Variants in PCDHGA3 observed in about 807,000 individuals in gnomAD.
The protein encoded by PCDHGA3 is protocadherin gamma subfamily A, 3, also known as protocadherin gamma-A3.
In PCDHGA3, 40 loss-of-function variants were observed where a neutral mutation model predicts 58.5. That is an observed-to-expected ratio of 0.68 (90% CI 0.53 to 0.89). PCDHGA3 has a LOEUF of 0.89. Among genes scored for constraint, PCDHGA3 ranks in the 40% least tolerant of loss-of-function variants. The probability of loss-of-function intolerance (pLI) is 0.00; values close to 1 mark genes in which losing one functional copy is unlikely to be tolerated. For missense variants in PCDHGA3, 1,223 were observed against 1,195.9 expected, an observed-to-expected ratio of 1.02 and a Z score of -0.33; for synonymous variants, 530 against 525.7, an observed-to-expected ratio of 1.01 and a Z score of -0.11.
intron 1 of PCDHGA3, among the ~76,000 whole-genome samples, chr5:141,381,770 A>G (rs1309418172): frequency 1.3e-5 from 2 of 151,484 alleles, no homozygotes; most frequent in Non-Finnish European, 2.9e-5. Flanking sequence ...TATATAATCA[A>G]TAATCAGGAA....
At chr5:141,352,507 T>A (rs1428856687) in intron 1 of PCDHGA3, 1 of 1,614,016 alleles carries the variant, frequency 6.2e-7, no homozygotes. Flanking sequence ...ATTCCTACAA[T>A]CTATGTATTG....
intron 1 of PCDHGA3, chr5:141,361,069 G>T (rs747875757): frequency 2.5e-6 from 4 of 1,613,910 alleles, no homozygotes; most frequent in Non-Finnish European, 3.4e-6. Context: ...TTTTGAGATT[G>T]CAAGTAGTTA....
intron 1 of PCDHGA3, among the ~76,000 whole-genome samples, chr5:141,466,994 T>C (rs944607423): frequency 6.6e-6 from 1 of 152,176 alleles, no homozygotes; most frequent in African/African-American, 2.4e-5. Flanking sequence ...CTTTTGGCAT[T>C]TTTTTGCAAT....
chr5:141,432,209 A>C lies in PCDHGA3; in HGVS notation c.2425-62598A>C, dbSNP rs1473794319. ...CGCCCACGACCCCGACTGTGAAGAGAACGCCCAGATCACTTATTCCCTGGC... is the reference window on the plus strand; with the variant it reads ...CGCCCACGACCCCGACTGTGAAGAGCACGCCCAGATCACTTATTCCCTGGC... On this transcript the variant is annotated intron_variant, in intron 1 of 3. Transcript: ENST00000253812. This position sits in a 1 kb window ranked among gnomAD's most constrained non-coding sequence, Gnocchi z 6.0. 2 of 1,614,098 alleles carry C rather than the reference A, an allele frequency of 1.2e-6. No homozygotes were observed. Among genetic ancestry groups the C allele is most frequent in the Non-Finnish European group, 8.5e-7 (1 of 1,180,032 alleles).
In PCDHGA3 at chr5:141,431,253, ACT is replaced by A. The variant is rs757246289; in HGVS notation, c.2425-63549_2425-63548del. On this transcript the variant is annotated intron_variant, in intron 1 of 3. Coordinates refer to ENST00000253812, the MANE Select transcript of PCDHGA3 (RefSeq NM_018916.4). This position sits in a 1 kb window ranked among gnomAD's most constrained non-coding sequence, Gnocchi z 4.8. ...GCCTGGGATCCGGATATCGGGAAGA[ACT>A]CTCTGCAGAGCTACGAGCTCAGCCC... 2.2e-5 allele frequency: 35 copies of A among 1,614,014 alleles called. No individual in the cohort carries two copies. In the South Asian group the frequency reaches 3.1e-4, roughly 14 times the overall value.
Position 141,432,226 on chromosome 5 carries a change from T to C in PCDHGA3, c.2425-62581T>C. On this transcript the variant is annotated intron_variant, in intron 1 of 3. Coordinates refer to ENST00000253812, the MANE Select transcript of PCDHGA3 (RefSeq NM_018916.4). The surrounding 1 kb of genome is among the most constrained non-coding windows in gnomAD (Gnocchi z 6.0). ...GTGAAGAGAACGCCCAGATCACTTATTCCCTGGCTGAGAACACCATCCAAG... is the reference window on the plus strand; with the variant it reads ...GTGAAGAGAACGCCCAGATCACTTACTCCCTGGCTGAGAACACCATCCAAG... 4 of 1,614,198 alleles carry C rather than the reference T, an allele frequency of 2.5e-6. No individual in the cohort carries two copies. The highest frequency in any genetic ancestry group is 3.4e-6 in the Non-Finnish European group (4 of 1,180,028).
chr5:141,393,366 G>A (rs998330932), intron 1 of PCDHGA3: 1 of 1,613,874 alleles, frequency 6.2e-7, no homozygotes, highest in African/African-American at 1.3e-5. Context: ...CGTGCAGACT[G>A]GAGACAATGG....
intron 1 of PCDHGA3, among the ~76,000 whole-genome samples, chr5:141,492,167 C>T (rs565536989): frequency 6.6e-6 from 1 of 152,344 alleles, no homozygotes; most frequent in East Asian, 1.9e-4. Context: ...CCTATCCCCG[C>T]ATCACCCAAC....
At chr5:141,427,692 C>A in intron 1 of PCDHGA3, 1 of 903,150 alleles carries the variant, frequency 1.1e-6, no homozygotes, top group Non-Finnish European at 1.8e-6. Context: ...AGCCTCCATC[C>A]CACAAGTCAG....
intron 1 of PCDHGA3, chr5:141,375,025 T>C (rs1771054334): frequency 3.7e-6 from 6 of 1,614,042 alleles, no homozygotes; most frequent in Non-Finnish European, 5.1e-6. Flanking sequence ...ACTCGAGTTT[T>C]TATGAGCTGG....
intron 1 of PCDHGA3, chr5:141,384,502 C>A: frequency 6.2e-7 from 1 of 1,614,194 alleles, no homozygotes; most frequent in Non-Finnish European, 8.5e-7. Context: ...AGTGACTGCA[C>A]ATGACAGCGG....
chr5:141,473,700 C>G (rs1474416849), intron 1 of PCDHGA3, among the ~76,000 whole-genome samples: 1 of 152,148 alleles, frequency 6.6e-6, no homozygotes, highest in Non-Finnish European at 1.5e-5. Context: ...GACCACCCTC[C>G]AAGTGGTGCA....
At chr5:141,499,025 G>A (rs561539084) in intron 2 of PCDHGA3, among the ~76,000 whole-genome samples, 4 of 140,712 alleles carry the variant, frequency 2.8e-5, no homozygotes, top group Admixed American at 1.4e-4. Context: ...AGGAAGGAAG[G>A]AAGAAAAGAA....
intron 1 of PCDHGA3, chr5:141,362,063 T>A: frequency 6.2e-7 from 1 of 1,612,390 alleles, no homozygotes. Flanking sequence ...CAGCGCCTGC[T>A]GGTCGCTGTG....
At chr5:141,426,021 A>G (rs1590662256) in intron 1 of PCDHGA3, among the ~76,000 whole-genome samples, 2 of 152,312 alleles carry the variant, frequency 1.3e-5, no homozygotes, top group East Asian at 3.9e-4. Context: ...AGTTTTCTAA[A>G]TAGACTCAGA....
intron 1 of PCDHGA3, chr5:141,355,373 A>C (rs1279617045): frequency 6.2e-7 from 1 of 1,613,924 alleles, no homozygotes; most frequent in African/African-American, 1.3e-5. Context: ...GCGCCCCGGG[A>C]GCTGGCGGAG....
In PCDHGA3 at chr5:141,489,423, C is replaced by A. The variant is rs754178145; in HGVS notation, c.2425-5384C>A. 7.4e-6 allele frequency: 12 copies of A among 1,613,982 alleles called. No homozygotes were observed. Among genetic ancestry groups the A allele is most frequent in the Non-Finnish European group, 1.0e-5 (12 of 1,180,044 alleles). On this transcript the variant is annotated intron_variant, in intron 1 of 3. Transcript: ENST00000253812. The surrounding 1 kb of genome is among the most constrained non-coding windows in gnomAD (Gnocchi z 4.5). Reference sequence around the variant, plus strand: ...GCTTAAAGATGACAGATCTGTTGAGCCGGCGGCTGCAATTGGGCTCTGAGG... The same window carrying A: ...GCTTAAAGATGACAGATCTGTTGAGACGGCGGCTGCAATTGGGCTCTGAGG...
At chr5:141,383,469 G>A (rs1779161077) in intron 1 of PCDHGA3, 1 of 1,613,786 alleles carries the variant, frequency 6.2e-7, no homozygotes, top group South Asian at 1.1e-5. Flanking sequence ...ATGAAACTAA[G>A]TACCCGGAAC....
intron 1 of PCDHGA3, chr5:141,440,348 C>G (rs2098169693): frequency 6.6e-6 from 1 of 152,190 alleles, no homozygotes; most frequent in South Asian, 2.1e-4. Flanking sequence ...GGCCTATAAT[C>G]CTAGCTACTC....
Sources: gnomAD v4.1 joint callset for allele counts (sites outside exome capture counted in the v4.1 genomes callset) on GRCh38, gnomAD v4.1.1 for gene constraint, Gnocchi (gnomAD v3.1) non-coding constraint, MANE v1.5 for transcripts, NCBI Gene and HGNC (gene_info 2026-07-23, HGNC 2026-07-21) for gene names.